Variants in PLA2G4C observed in about 807,000 individuals in gnomAD.
The protein encoded by PLA2G4C is cytosolic phospholipase A2 gamma.
PLA2G4C carries 64 observed loss-of-function variants against 73.8 expected under a neutral mutation model. The observed-to-expected ratio is 0.87, with a 90% confidence interval of 0.71 to 1.07. The LOEUF is 1.07. PLA2G4C is among the 50% of genes least tolerant of loss of function. The pLI, the probability that PLA2G4C is intolerant of heterozygous loss-of-function variation, is 0.00. For synonymous variants in PLA2G4C, 254 were observed against 252.1 expected, an observed-to-expected ratio of 1.01 and a Z score of -0.07; for missense variants, 622 against 665.4, an observed-to-expected ratio of 0.93 and a Z score of 0.72.
At chr19:48,089,052 G>A (rs2031145392) in intron 8 of PLA2G4C, among the ~76,000 whole-genome samples, 1 of 152,196 alleles carries the variant, frequency 6.6e-6, no homozygotes. Context: ...CACACCTTTA[G>A]TTAGCCATTT....
At chr19:48,084,830 C>A (rs2030878537) in intron 10 of PLA2G4C, among the ~76,000 whole-genome samples, 1 of 152,234 alleles carries the variant, frequency 6.6e-6, no homozygotes, top group South Asian at 2.1e-4. Flanking sequence ...ACAAAGCTCA[C>A]ATGTACCACA....
chr19:48,070,682 C>G (rs935497794), intron 12 of PLA2G4C, among the ~76,000 whole-genome samples: 7 of 151,788 alleles, frequency 4.6e-5, no homozygotes, highest in African/African-American at 1.7e-4. Context: ...TTATAAGTGG[C>G]AGCTGAATGA....
intron 1 of PLA2G4C, among the ~76,000 whole-genome samples, chr19:48,107,186 C>T (rs566843530): frequency 3.0e-4 from 43 of 142,508 alleles, no homozygotes; most frequent in African/African-American, 1.1e-3. Flanking sequence ...GGGCAAGGGG[C>T]TGAGGGAACA....
At chr19:48,086,021 G>C (rs1327343379) in intron 9 of PLA2G4C, among the ~76,000 whole-genome samples, 1 of 152,200 alleles carries the variant, frequency 6.6e-6, no homozygotes, top group Non-Finnish European at 1.5e-5. Context: ...GGTGGTCGCA[G>C]GTTGAAAGAA....
chr19:48,055,411 T>TATATATATATATATATATATATATATA (rs1967903662), intron 14 of PLA2G4C, among the ~76,000 whole-genome samples: 1 of 94,382 alleles, frequency 1.1e-5, no homozygotes, highest in Non-Finnish European at 2.3e-5. Context: ...ATATATATAT[T>TATATATATATATATATATATATATATA]TCAATTAGCC....
chr19:48,054,489 G>T lies in PLA2G4C; in HGVS notation c.1429+389C>A, dbSNP rs62129287. Among the ~76,000 whole-genome samples the T allele has an allele frequency of 2.9e-3, 360 of 122,100 alleles. 4 individuals carry two copies. The highest frequency in any genetic ancestry group is 0.026 in the Middle Eastern group (6 of 234). The allele number at this position is 122,100 out of a possible 152,430, so 80.1% of individuals were successfully genotyped here. On this transcript the variant is annotated intron_variant, in intron 15 of 16. Coordinates refer to ENST00000599921, the MANE Select transcript of PLA2G4C (RefSeq NM_003706.3). ...CAGCAATTTATTTTTTTTTGTTGTT[G>T]TATTTTTAGTAGAGATGGGGTTTCA... is the stretch of plus-strand genomic sequence containing the variant.
intron 12 of PLA2G4C, among the ~76,000 whole-genome samples, chr19:48,070,535 C>A (rs1431140601): frequency 6.6e-6 from 1 of 152,174 alleles, no homozygotes; most frequent in Non-Finnish European, 1.5e-5. Flanking sequence ...AAATGTGGCA[C>A]ATATACACCA....
chr19:48,110,500 TG>T lies in PLA2G4C; in HGVS notation c.-47del. The T allele has an allele frequency of 8.4e-7, 1 of 1,185,234 alleles. No individual in the cohort carries two copies. 73.4% of individuals were successfully genotyped at this position (1,185,234 alleles called of 1,614,324 possible). A position where few individuals can be genotyped will look rare whatever the true frequency, so the allele number is the denominator to read the frequency against. On this transcript the variant is annotated 5_prime_UTR_variant, in exon 1 of 17. The change creates a premature stop within an existing upstream ORF in the 5' untranslated region. Transcript: ENST00000599921. ...CCCACGGCTTGCCTGAGCCTGGGTC[TG>T]GGGCGTGTGCGCATGCGCGGTGGAG...
At chr19:48,083,392 C>CTTTTTTT in intron 10 of PLA2G4C, among the ~76,000 whole-genome samples, 4 of 105,834 alleles carry the variant, frequency 3.8e-5, no homozygotes, top group Admixed American at 9.6e-5. Flanking sequence ...ATTTTCTTTT[C>CTTTTTTT]TTTTTTTTTT....
chr19:48,068,441 G>C (rs1336953914), intron 12 of PLA2G4C, among the ~76,000 whole-genome samples: 2 of 152,010 alleles, frequency 1.3e-5, no homozygotes, highest in Non-Finnish European at 1.5e-5. Context: ...CCAGGACTTA[G>C]GGAAGCCGAG....
At chr19:48,059,706 C>T (rs1273727483) in intron 14 of PLA2G4C, among the ~76,000 whole-genome samples, 4 of 151,750 alleles carry the variant, frequency 2.6e-5, no homozygotes, top group Non-Finnish European at 5.9e-5. Context: ...ACCAGTGGCT[C>T]GCCAGGGGCT....
At chr19:48,091,671 T>A (rs1163635156) in intron 7 of PLA2G4C, among the ~76,000 whole-genome samples, 1 of 151,898 alleles carries the variant, frequency 6.6e-6, no homozygotes, top group African/African-American at 2.4e-5. Context: ...GGCGGATCAA[T>A]TGAAGTCAGG....
rs142156342 is a variant in PLA2G4C, at chr19:48,053,778, A to C, written c.1430-631T>G. Among the ~76,000 whole-genome samples the C allele has an allele frequency of 2.9e-3, 445 of 152,284 alleles. 23 individuals carry two copies. The East Asian group carries it at 0.078, about 27-fold the overall frequency. ...TTCGTTAAATGAAGGAAGAAAACAG[A>C]CACAATTTATCCCTAATGGGAGTCT... On this transcript the variant is annotated intron_variant, in intron 15 of 16. Coordinates refer to ENST00000599921, the MANE Select transcript of PLA2G4C (RefSeq NM_003706.3).
chr19:48,080,255 C>T (rs577727187), intron 10 of PLA2G4C, among the ~76,000 whole-genome samples: 4 of 152,076 alleles, frequency 2.6e-5, no homozygotes, highest in South Asian at 2.1e-4. Flanking sequence ...ATTAAAGAAA[C>T]GCAAATGAAA....
chr19:48,095,619 C>A lies in PLA2G4C; in HGVS notation c.569-15G>T. The A allele has an allele frequency of 1.9e-6, 3 of 1,613,798 alleles. No individual in the cohort carries two copies. Among genetic ancestry groups the A allele is most frequent in the Non-Finnish European group, 2.5e-6 (3 of 1,179,820 alleles). ...GAACCAGGTCTCTGCAGAGGAAATACAACGGCAAGTGAGTCCCAGCACAGA... is the reference window on the plus strand; with the variant it reads ...GAACCAGGTCTCTGCAGAGGAAATAAAACGGCAAGTGAGTCCCAGCACAGA... On this transcript the variant is annotated splice_polypyrimidine_tract_variant and intron_variant, in intron 6 of 16. Coordinates refer to ENST00000599921, the MANE Select transcript of PLA2G4C (RefSeq NM_003706.3).
intron 13 of PLA2G4C, among the ~76,000 whole-genome samples, chr19:48,064,466 T>G (rs1968334181): frequency 6.6e-6 from 1 of 151,742 alleles, no homozygotes. Context: ...AATTACTATA[T>G]TTTACAAGAA....
chr19:48,086,491 A>G (rs545261479), intron 9 of PLA2G4C, among the ~76,000 whole-genome samples: 1 of 152,192 alleles, frequency 6.6e-6, no homozygotes, highest in Non-Finnish European at 1.5e-5. Flanking sequence ...TTAGAGCACA[A>G]AACTGCCTGA....
intron 1 of PLA2G4C, chr19:48,106,811 C>G (rs2032259120): frequency 1.9e-6 from 1 of 539,416 alleles, no homozygotes; most frequent in East Asian, 3.1e-5. Flanking sequence ...TTTTTCCTCG[C>G]TCTTTCTCTT....
At chr19:48,083,111 G>T (rs1365315910) in intron 10 of PLA2G4C, among the ~76,000 whole-genome samples, 1 of 152,088 alleles carries the variant, frequency 6.6e-6, no homozygotes, top group Non-Finnish European at 1.5e-5. Context: ...CACCGCGCCT[G>T]GCCCTGGCTT....
Sources: allele counts gnomAD v4.1 joint callset (sites outside exome capture counted in the v4.1 genomes callset), GRCh38; gene constraint gnomAD v4.1.1; transcripts MANE v1.5; gene names NCBI Gene and HGNC (gene_info 2026-07-23, HGNC 2026-07-21).